Variants in STX18 observed in about 807,000 individuals in gnomAD.
The protein encoded by STX18 is syntaxin-18.
STX18 carries 40 observed loss-of-function variants against 50.1 expected under a neutral mutation model. That is an observed-to-expected ratio of 0.80 (90% CI 0.62 to 1.04). STX18 has a LOEUF of 1.04. STX18 is among the 50% of genes least tolerant of loss of function. The pLI, the probability that STX18 is intolerant of heterozygous loss-of-function variation, is 0.00. For synonymous variants in STX18, 158 were observed against 151.8 expected, an observed-to-expected ratio of 1.04 and a Z score of -0.30; for missense variants, 410 against 415.8, an observed-to-expected ratio of 0.99 and a Z score of 0.12.
rs1237362046 is a variant in STX18, at chr4:4,454,131, G to A, written c.497+3060C>T. The stretch of plus-strand genomic sequence containing the variant: ...GCACATGCCATGCTGTCTAGCCTTT[G>A]TAAGACATGGAAGCAAGGGAGTGAT... On this transcript the variant is annotated intron_variant, in intron 5 of 10. Coordinates refer to ENST00000306200, the MANE Select transcript of STX18 (RefSeq NM_016930.4). Among the ~76,000 whole-genome samples, 4 of 152,222 alleles carry A rather than the reference G, an allele frequency of 2.6e-5. No homozygotes were observed. In the East Asian group the frequency reaches 5.8e-4, roughly 22 times the overall value.
chr4:4,486,313 C>T (rs575633563), intron 1 of STX18, among the ~76,000 whole-genome samples: 5 of 152,296 alleles, frequency 3.3e-5, no homozygotes, highest in Admixed American at 2.6e-4. Context: ...GGCATTTCAG[C>T]TGCAGAACTT....
intron 1 of STX18, among the ~76,000 whole-genome samples, chr4:4,482,001 C>T (rs1167618440): frequency 6.6e-6 from 1 of 152,220 alleles, no homozygotes; most frequent in African/African-American, 2.4e-5. Flanking sequence ...CCAGGCCTCA[C>T]CAAACTCGGA....
chr4:4,481,326 A>G (rs1345717056), intron 1 of STX18, among the ~76,000 whole-genome samples: 1 of 152,204 alleles, frequency 6.6e-6, no homozygotes, highest in African/African-American at 2.4e-5. Flanking sequence ...AACACTTCCA[A>G]CAAAGACCTG....
chr4:4,422,656 G>A (rs558469361), intron 9 of STX18, among the ~76,000 whole-genome samples: 2 of 152,132 alleles, frequency 1.3e-5, no homozygotes, highest in Admixed American at 1.3e-4. Flanking sequence ...TGCTCTGCAC[G>A]CCCCTCCCAG....
At chr4:4,423,230 C>T (rs1198174772) in intron 9 of STX18, among the ~76,000 whole-genome samples, 1 of 152,236 alleles carries the variant, frequency 6.6e-6, no homozygotes, top group African/African-American at 2.4e-5. Flanking sequence ...ATCCAGAACC[C>T]TGACTGCCAG....
At chr4:4,522,692 T>C (rs1730566727) in intron 1 of STX18, among the ~76,000 whole-genome samples, 1 of 151,862 alleles carries the variant, frequency 6.6e-6, no homozygotes, top group African/African-American at 2.4e-5. Context: ...TTAGGAACAA[T>C]AAAAAATATG....
chr4:4,517,826 G>C (rs552602172), intron 1 of STX18, among the ~76,000 whole-genome samples: 11 of 151,544 alleles, frequency 7.3e-5, no homozygotes, highest in African/African-American at 2.7e-4. Flanking sequence ...GCCCAGGCTG[G>C]AGTGTAGGTG....
At chr4:4,427,170 CG>C (rs1188720258) in intron 7 of STX18, among the ~76,000 whole-genome samples, 1 of 152,166 alleles carries the variant, frequency 6.6e-6, no homozygotes, top group Non-Finnish European at 1.5e-5. Flanking sequence ...CACCAGTTCT[CG>C]GCCCCGGCTA....
rs542494444 is a variant in STX18 at position 4,420,459 on chromosome 4, C to T, written c.913-330G>A. ...CCCAGTAACATGATGTCCGTGGTGA[C>T]CCAACCCTGAGGACTGAGCTTGGGA... On this transcript the variant is annotated intron_variant, in intron 10 of 10. Transcript: ENST00000306200. The surrounding 1 kb of genome is among the most constrained non-coding windows in gnomAD (Gnocchi z 4.3). 1.7e-5 allele frequency: 7 copies of T among 410,518 alleles called. No homozygotes were observed. In the East Asian group the frequency reaches 2.0e-4, roughly 11 times the overall value. 25.4% of individuals were successfully genotyped at this position (410,518 alleles called of 1,614,324 possible). A position where few individuals can be genotyped will look rare whatever the true frequency, so the allele number is the denominator to read the frequency against.
chr4:4,478,321 G>A (rs1439581930), intron 1 of STX18, among the ~76,000 whole-genome samples: 2 of 152,208 alleles, frequency 1.3e-5, no homozygotes, highest in South Asian at 2.1e-4. Context: ...GGGGGCTTTG[G>A]ATTGGCAAGC....
At chr4:4,424,612 T>G (rs1189599895) in intron 8 of STX18, among the ~76,000 whole-genome samples, 1 of 152,150 alleles carries the variant, frequency 6.6e-6, no homozygotes, top group East Asian at 1.9e-4. Context: ...TTGGGGGACA[T>G]GTCCACAATA....
intron 1 of STX18, chr4:4,478,655 T>C (rs1486545785): frequency 6.6e-6 from 1 of 152,246 alleles, no homozygotes; most frequent in Non-Finnish European, 1.5e-5. Flanking sequence ...TACTCCCTGC[T>C]TTGCCACTTA....
At chr4:4,519,252 A>C (rs376515464) in intron 1 of STX18, among the ~76,000 whole-genome samples, 1 of 152,182 alleles carries the variant, frequency 6.6e-6, no homozygotes, top group African/African-American at 2.4e-5. Context: ...ACCATTCCCT[A>C]AATGACTTGA....
chr4:4,486,353 T>C (rs1055479455), intron 1 of STX18, among the ~76,000 whole-genome samples: 5 of 152,184 alleles, frequency 3.3e-5, no homozygotes, highest in South Asian at 2.1e-4. Flanking sequence ...AAATCAGAAA[T>C]GTCATTCACA....
chr4:4,462,588 A>G (rs929794696), intron 2 of STX18, among the ~76,000 whole-genome samples: 2 of 152,064 alleles, frequency 1.3e-5, no homozygotes, highest in African/African-American at 4.8e-5. Flanking sequence ...CTAGCTGGGT[A>G]TCATGTCATA....
At chr4:4,425,275 G>A in intron 7 of STX18, 53 bp from the exon 8 acceptor site, 1 of 1,530,868 alleles carries the variant, frequency 6.5e-7, no homozygotes, top group Non-Finnish European at 9.1e-7. Context: ...TTAGGCAAGA[G>A]TCTAGCAAGA....
At chr4:4,434,459 T>C (rs369000525) in intron 7 of STX18, among the ~76,000 whole-genome samples, 6 of 152,344 alleles carry the variant, frequency 3.9e-5, no homozygotes, top group African/African-American at 1.4e-4. Context: ...AAAAGCATCA[T>C]AGTGGCATTT....
In STX18 at chr4:4,418,997, G is replaced by C. The variant is rs1724759771; in HGVS notation, c.*1037C>G. The stretch of plus-strand genomic sequence containing the variant: ...CAGGTAGACGTGGACTTTATTGACT[G>C]TGAATTCATTTACATGTAACTTCTG... On this transcript the variant is annotated 3_prime_UTR_variant, in exon 11 of 11. Transcript: ENST00000306200. 1 of 152,220 alleles carries C rather than the reference G, an allele frequency of 6.6e-6. No homozygotes were observed. The highest frequency in any genetic ancestry group is 1.5e-5 in the Non-Finnish European group (1 of 68,052). The allele number at this position is 152,220 out of a possible 1,614,324, so 9.4% of individuals were successfully genotyped here.
intron 1 of STX18, among the ~76,000 whole-genome samples, chr4:4,519,562 T>C (rs1363946364): frequency 6.6e-6 from 1 of 152,176 alleles, no homozygotes; most frequent in East Asian, 1.9e-4. Context: ...AAAATAAGCA[T>C]GTATTACCTT....
Sources: gnomAD v4.1 joint callset for allele counts (sites outside exome capture counted in the v4.1 genomes callset) on GRCh38, gnomAD v4.1.1 for gene constraint, Gnocchi (gnomAD v3.1) non-coding constraint, MANE v1.5 for transcripts, NCBI Gene and HGNC (gene_info 2026-07-23, HGNC 2026-07-21) for gene names.